TUBGCP6: variants seen among roughly 807,000 people sequenced by gnomAD.
TUBGCP6 encodes the protein tubulin gamma complex component 6.
In TUBGCP6, 161 loss-of-function variants were observed where a neutral mutation model predicts 175.8. The ratio of observed to expected loss-of-function variants is 0.92; its 90% CI spans 0.81 to 1.04. The LOEUF is 1.04. Ranked by LOEUF, TUBGCP6 falls within the 50% of genes least tolerant of loss-of-function variation. The probability of loss-of-function intolerance (pLI) is 0.00; values close to 1 mark genes in which losing one functional copy is unlikely to be tolerated. For synonymous variants in TUBGCP6, 1,173 were observed against 1,030.5 expected (o/e 1.14, Z -2.65); for missense variants, 2,572 against 2,433.0 (o/e 1.06, Z -1.20).
rs759260198 is a variant in TUBGCP6, at chr22:50,224,633, G to A, written c.1984-41C>T. 2.5e-5 allele frequency: 40 copies of A among 1,602,300 alleles called. 1 individual carries two copies. Among genetic ancestry groups the A allele is most frequent in the South Asian group, 2.4e-4 (22 of 90,872 alleles). The stretch of plus-strand genomic sequence containing the variant: ...GGTAATCAAAGCATCCTGGCCGGGC[G>A]CAGTGGCTCACGCCTGTAATCCTGG... On this transcript the variant is annotated intron_variant, in intron 10 of 24. Coordinates refer to ENST00000248846, the MANE Select transcript of TUBGCP6 (RefSeq NM_020461.4).
chr22:50,219,893 G>C, intron 17 of TUBGCP6, 64 bp downstream of exon 17: 5 of 1,605,064 alleles, frequency 3.1e-6, no homozygotes, highest in Non-Finnish European at 4.3e-6. Flanking sequence ...CCACCCGCGT[G>C]ACAACCTAGA....
At chr22:50,237,897 T>C (rs1601605030) in intron 2 of TUBGCP6, among the ~76,000 whole-genome samples, 1 of 151,508 alleles carries the variant, frequency 6.6e-6, no homozygotes, top group African/African-American at 2.4e-5. Context: ...CCGAGGCGGG[T>C]GGATCACCTG....
rs763335019 is a variant in TUBGCP6 at position 50,220,333 on chromosome 22, G to A, written c.4026C>T (p.Ser1342=). Residue 1342 remains serine (S), a synonymous_variant, in exon 16 of 25, where the codon AGC becomes AGT. Transcript: ENST00000248846. ...PSSGCGEGSI[S]VGENVSDVAP... is the part of the protein sequence containing the mutation. ...CCACGTCTGACACGTTCTCCCCCACGCTGATGCTCCCCTCCCCGCAGCCCG... is the reference window on the plus strand; with the variant it reads ...CCACGTCTGACACGTTCTCCCCCACACTGATGCTCCCCTCCCCGCAGCCCG... 151 of 1,543,646 alleles carry A rather than the reference G, an allele frequency of 9.8e-5. 1 individual carries two copies. Among genetic ancestry groups the A allele is most frequent in the Middle Eastern group, 1.7e-4 (1 of 5,816 alleles).
chr22:50,243,583 A>C lies in TUBGCP6; in HGVS notation c.741+136T>G, dbSNP rs2064870657. 4 of 899,580 alleles carry C rather than the reference A, an allele frequency of 4.4e-6. No homozygotes were observed. The South Asian group carries it at 7.7e-5, about 17-fold the overall frequency. The allele number at this position is 899,580 out of a possible 1,614,324, so 55.7% of individuals were successfully genotyped here. ...AGGTGAGCCAAGATCGCGCCACTGC[A>C]CTCCAGCCTGGGTGACAGAGTGAGA... On this transcript the variant is annotated intron_variant, in intron 1 of 24. Transcript: ENST00000248846.
At chr22:50,225,281 C>T (rs1260431060) in intron 10 of TUBGCP6, among the ~76,000 whole-genome samples, 1 of 152,154 alleles carries the variant, frequency 6.6e-6, no homozygotes, top group Non-Finnish European at 1.5e-5. Flanking sequence ...GGCACCAGGC[C>T]AGAAAGGGTG....
In TUBGCP6 at chr22:50,218,544, T is replaced by C; in HGVS notation, c.4898A>G (p.Gln1633Arg). The C allele has an allele frequency of 6.2e-7, 1 of 1,613,766 alleles. No individual in the cohort carries two copies. ...GAGCGCCCACATCATGAGCTTCAGC[T>C]GCAGCAGGAAGGAGAAGACGCCGCT... Reference protein sequence around the residue: ...KYSGVFSFLLQLKLMMWALKD... With the variant: ...KYSGVFSFLLRLKLMMWALKD... The change falls in exon 22 of 25, where the codon CAG (glutamine) becomes CGG (arginine). Residue 1633 changes from glutamine to arginine, a missense_variant. By Grantham distance (43) the Gln-to-Arg change is conservative. Transcript: ENST00000248846.
At position 50,244,348 on chromosome 22, in the gene TUBGCP6, T is replaced by A. The variant is rs2147222889; in HGVS notation, c.112A>T (p.Lys38Ter). 6.2e-7 allele frequency: 1 copy of A among 1,613,506 alleles called. No homozygotes were observed. Among genetic ancestry groups the A allele is most frequent in the Admixed American group, 1.7e-5 (1 of 60,028 alleles). The change falls in exon 1 of 25, where the codon AAG becomes TAG. Residue 38 changes from lysine (K) to a stop codon, truncating the protein, a stop_gained. Coordinates refer to ENST00000248846, the MANE Select transcript of TUBGCP6 (RefSeq NM_020461.4). LOFTEE classifies it high-confidence loss of function. Reference sequence around the variant, plus strand: ...AAAAGAGCATTGTAGGCCACCTTCTTGAGGCTCCGCTTTGCCCTCTTCCGG... The same window carrying A: ...AAAAGAGCATTGTAGGCCACCTTCTAGAGGCTCCGCTTTGCCCTCTTCCGG... The part of the protein sequence containing the change: ...VNRKRAKRSL[K>*]KVAYNALFTN...
Position 50,224,557 on chromosome 22 carries a change from GATTA to G in TUBGCP6, c.2015_2018del (p.Leu672SerfsTer12). 1 of 1,614,116 alleles carries G rather than the reference GATTA, an allele frequency of 6.2e-7. No individual in the cohort carries two copies. The highest frequency in any genetic ancestry group is 2.2e-5 in the East Asian group (1 of 44,880). ...TGGATGCTGCTTCCCGGGCATGAGC[GATTA>G]ATTCTTGTTTTGCAATTTCCATACG... On this transcript the variant is annotated frameshift_variant, in exon 11 of 25. Coordinates refer to ENST00000248846, the MANE Select transcript of TUBGCP6 (RefSeq NM_020461.4). LOFTEE classifies it high-confidence loss of function.
Position 50,224,035 on chromosome 22 carries a change from T to G in TUBGCP6, c.2270+106A>C, listed in dbSNP as rs536080192. 2.0e-6 allele frequency: 2 copies of G among 1,005,856 alleles called. 1 individual carries two copies. The highest frequency in any genetic ancestry group is 3.2e-5 in the African/African-American group (2 of 61,954). The allele number at this position is 1,005,856 out of a possible 1,614,324, so 62.3% of individuals were successfully genotyped here. A position where few individuals can be genotyped will look rare whatever the true frequency, so the allele number is the denominator to read the frequency against. ...ATTGGTCTTTCTACCTTAATGTATG[T>G]TTGAAGGTTTTCAAAACAAAAAGTA... On this transcript the variant is annotated intron_variant, in intron 13 of 24. Coordinates refer to ENST00000248846, the MANE Select transcript of TUBGCP6 (RefSeq NM_020461.4).
chr22:50,233,400 G>C lies in TUBGCP6; in HGVS notation c.1032C>G (p.Pro344=). 6.2e-7 allele frequency: 1 copy of C among 1,613,992 alleles called. No individual in the cohort carries two copies. The highest frequency in any genetic ancestry group is 1.1e-5 in the South Asian group (1 of 91,078). ...CCAGCTCGCACTCCTTCACCAGCACGGGCTGCGGGGCCTGTAGGACGCCCC... is the reference window on the plus strand; with the variant it reads ...CCAGCTCGCACTCCTTCACCAGCACCGGCTGCGGGGCCTGTAGGACGCCCC... ...LAGGVLQAPQ[P]VLVKECELVK... Residue 344 remains proline (P), a synonymous_variant, in exon 3 of 25, where the codon CCC becomes CCG. Coordinates refer to ENST00000248846, the MANE Select transcript of TUBGCP6 (RefSeq NM_020461.4).
intron 3 of TUBGCP6, among the ~76,000 whole-genome samples, chr22:50,231,761 G>A (rs1284916884): frequency 1.3e-5 from 2 of 151,252 alleles, no homozygotes; most frequent in South Asian, 2.1e-4. Flanking sequence ...CAGGGAGGCT[G>A]AGGCAGGAGA....
Position 50,233,438 on chromosome 22 carries a change from G to A in TUBGCP6, c.994C>T (p.Gln332Ter). 6.2e-7 allele frequency: 1 copy of A among 1,613,684 alleles called. No individual in the cohort carries two copies. Among genetic ancestry groups the A allele is most frequent in the Non-Finnish European group, 8.5e-7 (1 of 1,179,818 alleles). ...KFCRLHQGEL[Q>*]LLAGGVLQAP... ...TGTAGGACGCCCCCAGCAAGCAGCT[G>A]GAGCTCCCCTTGGTGGAGCCTGCAG... Residue 332 changes from glutamine to a stop codon, truncating the protein, a stop_gained, in exon 3 of 25, where the codon CAG (glutamine) becomes TAG (stop). Transcript: ENST00000248846. LOFTEE classifies it high-confidence loss of function.
At chr22:50,222,137 C>T (rs374774090) in intron 14 of TUBGCP6, 35 bp from the exon 15 acceptor site, 26 of 1,604,598 alleles carry the variant, frequency 1.6e-5, no homozygotes, top group Middle Eastern at 1.7e-4. Flanking sequence ...CTGGCCAAGC[C>T]GGAGTCAAGC....
rs752252685 is a variant in TUBGCP6, at chr22:50,244,175, C to A, written c.285G>T (p.Glu95Asp). The change falls in exon 1 of 25, where the codon GAG becomes GAT. Residue 95 changes from glutamate to aspartate, a missense_variant. Glu to Asp is a conservative substitution (Grantham distance 45, BLOSUM62 2). Transcript: ENST00000248846. ...KADRLEELVE[E>D]LEAAPCCPLL... ...GCGGACAGCAAGGGGCTGCTTCCAG[C>A]TCCTCCACAAGCTCCTCCAAACGGT... 1.1e-5 allele frequency: 18 copies of A among 1,613,230 alleles called. No individual in the cohort carries two copies. Among genetic ancestry groups the A allele is most frequent in the Non-Finnish European group, 1.4e-5 (16 of 1,180,052 alleles).
chr22:50,219,608 C>G (rs1602505863), intron 18 of TUBGCP6, 36 bp downstream of exon 18: 1 of 1,607,486 alleles, frequency 6.2e-7, no homozygotes, highest in South Asian at 1.1e-5. Context: ...ACCAGCCAGC[C>G]CAGGGCTCCC....
intron 3 of TUBGCP6, among the ~76,000 whole-genome samples, chr22:50,231,215 G>A (rs971498073): frequency 3.3e-5 from 5 of 151,830 alleles, no homozygotes; most frequent in African/African-American, 1.2e-4. Context: ...CACTTTGGGA[G>A]GCCAAGGTGG....
In TUBGCP6 at chr22:50,244,680, G is replaced by A. The variant is rs891461899; in HGVS notation, c.-221C>T. On this transcript the variant is annotated 5_prime_UTR_variant, in exon 1 of 25. Coordinates refer to ENST00000248846, the MANE Select transcript of TUBGCP6 (RefSeq NM_020461.4). ...CCTCCCCAGTCCAAGCACGCTGCCCGGCGCCCGGCAGCCCACCAGAAGCCA... is the reference window on the plus strand; with the variant it reads ...CCTCCCCAGTCCAAGCACGCTGCCCAGCGCCCGGCAGCCCACCAGAAGCCA... 5.6e-5 allele frequency: 38 copies of A among 675,936 alleles called. No individual in the cohort carries two copies. Among genetic ancestry groups the A allele is most frequent in the Non-Finnish European group, 7.9e-5 (34 of 430,076 alleles). The allele number at this position is 675,936 out of a possible 1,614,324, so 41.9% of individuals were successfully genotyped here. A position where few individuals can be genotyped will look rare whatever the true frequency, so the allele number is the denominator to read the frequency against.
intron 17 of TUBGCP6, 31 bp from the exon 18 acceptor site, chr22:50,219,822 C>T (rs760621095): frequency 1.2e-6 from 2 of 1,608,512 alleles, no homozygotes; most frequent in South Asian, 2.2e-5. Context: ...GAACCACCTC[C>T]CCACTGCACG....
chr22:50,245,014 G>C lies in TUBGCP6; in HGVS notation c.-555C>G, dbSNP rs1352855265. On this transcript the variant is annotated 5_prime_UTR_variant, in exon 1 of 25. Transcript: ENST00000248846. ...TCGCCGCCTCCGTCGCGTCACAGCC[G>C]CGCCAGTGTGAAGAGCACTAGGGCG... is the stretch of plus-strand genomic sequence containing the variant. 1 of 229,740 alleles carries C rather than the reference G, an allele frequency of 4.4e-6. No individual in the cohort carries two copies. The highest frequency in any genetic ancestry group is 2.4e-5 in the African/African-American group (1 of 42,124). The allele number at this position is 229,740 out of a possible 1,614,324, so 14.2% of individuals were successfully genotyped here. A position where few individuals can be genotyped will look rare whatever the true frequency, so the allele number is the denominator to read the frequency against.
Sources: gnomAD v4.1 joint callset for allele counts (sites outside exome capture counted in the v4.1 genomes callset) on GRCh38, gnomAD v4.1.1 for gene constraint, MANE v1.5 for transcripts, NCBI Gene and HGNC (gene_info 2026-07-23, HGNC 2026-07-21) for gene names.